CNTN1: variants seen among roughly 807,000 people sequenced by gnomAD.
CNTN1 encodes contactin-1.
CNTN1 carries 38 observed loss-of-function variants against 126.4 expected under a neutral mutation model. The ratio of observed to expected loss-of-function variants is 0.30; its 90% CI spans 0.23 to 0.39. The LOEUF (loss-of-function observed/expected upper bound fraction) is 0.39. CNTN1 is among the 10% of genes least tolerant of loss of function. The pLI, the probability that CNTN1 is intolerant of heterozygous loss-of-function variation, is 1.00. For synonymous variants in CNTN1, 413 were observed against 422.6 expected (o/e 0.98, Z 0.28); for missense variants, 1,009 against 1,248.4 (o/e 0.81, Z 2.89).
chr12:41,000,559 G>T (rs1050249980), intron 17 of CNTN1, among the ~76,000 whole-genome samples: 11 of 152,042 alleles, frequency 7.2e-5, no homozygotes, highest in African/African-American at 2.7e-4. Flanking sequence ...CAGTTGAATA[G>T]TAAAATAAAA....
chr12:41,033,659 T>C (rs977644643), intron 23 of CNTN1, among the ~76,000 whole-genome samples: 2 of 152,102 alleles, frequency 1.3e-5, no homozygotes, highest in Non-Finnish European at 2.9e-5. Flanking sequence ...AAAATCATAT[T>C]GGTGATTGTC....
intron 7 of CNTN1, among the ~76,000 whole-genome samples, 168 bp downstream of exon 7, chr12:40,930,170 G>A (rs369589652): frequency 6.6e-6 from 1 of 151,976 alleles, no homozygotes; most frequent in Non-Finnish European, 1.5e-5. Context: ...AGCTTTTTGC[G>A]TTGAGAAGAT....
At chr12:40,828,847 A>G (rs963731501) in intron 1 of CNTN1, among the ~76,000 whole-genome samples, 2 of 152,182 alleles carry the variant, frequency 1.3e-5, no homozygotes, top group Admixed American at 6.6e-5. Context: ...CTTGCTGTCA[A>G]ACAAACCATT....
At chr12:40,793,832 T>C (rs1940310330) in intron 1 of CNTN1, among the ~76,000 whole-genome samples, 1 of 152,070 alleles carries the variant, frequency 6.6e-6, no homozygotes, top group South Asian at 2.1e-4. Context: ...GTACTTATTT[T>C]TATCACAGCC....
At chr12:40,819,893 T>C (rs11178540) in intron 1 of CNTN1, among the ~76,000 whole-genome samples, 95,968 of 152,052 alleles carry the variant, frequency 0.63, 30,574 homozygotes, top group East Asian at 0.78. Flanking sequence ...TCACCACCTC[T>C]CTTGGCTCGG....
intron 1 of CNTN1, among the ~76,000 whole-genome samples, chr12:40,710,148 A>G (rs1410251421): frequency 6.6e-6 from 1 of 152,102 alleles, no homozygotes; most frequent in Non-Finnish European, 1.5e-5. Context: ...CAGAACCATC[A>G]GAGGAATCAC....
chr12:40,769,664 T>C (rs1461189675), intron 1 of CNTN1, among the ~76,000 whole-genome samples: 1 of 152,176 alleles, frequency 6.6e-6, no homozygotes, highest in African/African-American at 2.4e-5. Context: ...CATGAATTTT[T>C]GCATCAATTT....
chr12:40,882,406 G>A (rs1037613179), intron 1 of CNTN1, among the ~76,000 whole-genome samples: 1 of 151,718 alleles, frequency 6.6e-6, no homozygotes, highest in Non-Finnish European at 1.5e-5. Flanking sequence ...AAAAATAAAA[G>A]TAGATGATTT....
At chr12:41,010,280 C>T (rs1948612699) in intron 17 of CNTN1, among the ~76,000 whole-genome samples, 1 of 152,206 alleles carries the variant, frequency 6.6e-6, no homozygotes, top group Non-Finnish European at 1.5e-5. Context: ...TGACCTTCAT[C>T]TCTGGGGGCA....
chr12:40,954,212 T>C (rs1946787065), intron 14 of CNTN1, among the ~76,000 whole-genome samples: 1 of 152,066 alleles, frequency 6.6e-6, no homozygotes, highest in African/African-American at 2.4e-5. Flanking sequence ...AACTATCATT[T>C]TGTGTCGTAA....
intron 1 of CNTN1, among the ~76,000 whole-genome samples, chr12:40,700,265 C>T (rs539750081): frequency 1.2e-4 from 18 of 152,054 alleles, no homozygotes; most frequent in South Asian, 6.2e-4. Flanking sequence ...TGGTGGCTCA[C>T]GCCTGTAATC....
intron 1 of CNTN1, among the ~76,000 whole-genome samples, chr12:40,836,344 A>G (rs577752279): frequency 5.7e-4 from 86 of 150,662 alleles, no homozygotes; most frequent in South Asian, 2.9e-3. Flanking sequence ...AATAGATGCA[A>G]TGATATTATA....
chr12:40,726,799 GACAA>G (rs1212270290), intron 1 of CNTN1, among the ~76,000 whole-genome samples: 1 of 151,750 alleles, frequency 6.6e-6, no homozygotes, highest in Non-Finnish European at 1.5e-5. Flanking sequence ...AAAATCAGTA[GACAA>G]ACTAATAAAG....
chr12:40,813,804 C>G (rs1320671725), intron 1 of CNTN1, among the ~76,000 whole-genome samples: 1 of 152,142 alleles, frequency 6.6e-6, no homozygotes, highest in Non-Finnish European at 1.5e-5. Flanking sequence ...AATTTACATT[C>G]CCACCAACAG....
chr12:40,764,149 A>T lies in CNTN1; in HGVS notation c.-77+71557A>T, dbSNP rs182841795. ...TCCTTCCATAGAGGGAGTGTGGAGA[A>T]ATGTGATTATTTATTGAACCATAAT... On this transcript the variant is annotated intron_variant, in intron 1 of 23. Transcript: ENST00000551295. 9.2e-5 allele frequency among the ~76,000 whole-genome samples: 14 copies of T among 152,320 alleles called. No individual in the cohort carries two copies. In the East Asian group the frequency reaches 2.3e-3, roughly 25 times the overall value.
chr12:40,923,758 A>G (rs570857797), intron 5 of CNTN1, among the ~76,000 whole-genome samples: 4 of 152,192 alleles, frequency 2.6e-5, no homozygotes. Flanking sequence ...GCATTCAAGT[A>G]AGACACCAGG....
intron 3 of CNTN1, among the ~76,000 whole-genome samples, chr12:40,915,919 G>A (rs140659798): frequency 1.3e-5 from 2 of 152,172 alleles, no homozygotes; most frequent in Non-Finnish European, 2.9e-5. Flanking sequence ...GTGCAGATTA[G>A]TGGCCTTATG....
chr12:40,797,624 G>A (rs1592098001), intron 1 of CNTN1, among the ~76,000 whole-genome samples: 1 of 151,992 alleles, frequency 6.6e-6, no homozygotes, highest in Non-Finnish European at 1.5e-5. Flanking sequence ...AAATAATGAT[G>A]ACACTGACAT....
chr12:40,949,203 TTTTTTTG>T (rs1946558959), intron 14 of CNTN1, among the ~76,000 whole-genome samples: 1 of 87,108 alleles, frequency 1.1e-5, no homozygotes, highest in African/African-American at 4.7e-5. Context: ...AATTTGTTTT[TTTTTTTG>T]TTTTTTTACA....
Sources: gnomAD v4.1 joint callset for allele counts (sites outside exome capture counted in the v4.1 genomes callset) on GRCh38, gnomAD v4.1.1 for gene constraint, MANE v1.5 for transcripts, NCBI Gene and HGNC (gene_info 2026-07-23, HGNC 2026-07-21) for gene names.